SOX5: variants seen among roughly 807,000 people sequenced by gnomAD.
SOX5 encodes the protein transcription factor SOX-5.
A neutral mutation model predicts 92.0 loss-of-function variants in SOX5; 9 were observed. The observed-to-expected ratio is 0.10, with a 90% confidence interval of 0.06 to 0.17. The LOEUF (loss-of-function observed/expected upper bound fraction) is 0.17. Among genes scored for constraint, SOX5 ranks in the 10% least tolerant of loss-of-function variants. The pLI, the probability that SOX5 is intolerant of heterozygous loss-of-function variation, is 1.00. For synonymous variants in SOX5, 344 were observed against 336.3 expected (o/e 1.02, Z -0.25); for missense variants, 642 against 944.5 (o/e 0.68, Z 4.20).
At position 23,604,502 on chromosome 12, in the gene SOX5, T is replaced by A; in HGVS notation, c.1049A>T (p.Gln350Leu). The A allele has an allele frequency of 6.2e-7, 1 of 1,613,750 alleles. No homozygotes were observed. Residue 350 changes from glutamine to leucine, a missense_variant, in exon 9 of 15, where the codon CAG becomes CTG. This residue lies in a region of SOX5 where 324 missense variants were observed against 461.6 expected (regional missense o/e 0.70). Coordinates refer to ENST00000451604, the MANE Select transcript of SOX5 (RefSeq NM_006940.6). ...TGGCAGCTTCCCTCCTGGAGATACC[T>A]GCATTGCAGCTAGCTGGGCAGCATA... Reference protein sequence around the residue: ...QLYAAQLAAMQVSPGGKLPGI... With the variant: ...QLYAAQLAAMLVSPGGKLPGI...
At chr12:24,091,426 C>CTTTT in intron 4 of SOX5, among the ~76,000 whole-genome samples, 1 of 101,020 alleles carries the variant, frequency 9.9e-6, no homozygotes, top group Non-Finnish European at 2.0e-5. Context: ...ATAGAGAATG[C>CTTTT]TATTTTTTTT....
At chr12:23,998,383 A>T (rs2136331978) in intron 4 of SOX5, among the ~76,000 whole-genome samples, 1 of 152,296 alleles carries the variant, frequency 6.6e-6, no homozygotes, top group South Asian at 2.1e-4. Flanking sequence ...AATTGAATTT[A>T]TCTTAAGAAG....
At chr12:23,742,884 C>T (rs1375035768) in intron 4 of SOX5, among the ~76,000 whole-genome samples, 2 of 151,828 alleles carry the variant, frequency 1.3e-5, no homozygotes, top group African/African-American at 4.8e-5. Flanking sequence ...ATCCCAGCTA[C>T]TTGGTAGGCT....
At position 23,755,566 on chromosome 12, in the gene SOX5, A is replaced by T. The variant is rs2094340379; in HGVS notation, c.568+72T>A. 3 of 1,081,936 alleles carry T rather than the reference A, an allele frequency of 2.8e-6. No homozygotes were observed. The South Asian group carries it at 4.3e-5, about 15-fold the overall frequency. 67.0% of individuals were successfully genotyped at this position (1,081,936 alleles called of 1,614,324 possible). ...GAAGAGGTGAGGGCAGAAATACTTT[A>T]TCACCATTACTATTTCTGAATATCA... On this transcript the variant is annotated intron_variant, in intron 4 of 14. Transcript: ENST00000451604.
intron 3 of SOX5, among the ~76,000 whole-genome samples, chr12:23,756,137 T>A (rs909320488): frequency 1.3e-5 from 2 of 151,758 alleles, no homozygotes; most frequent in African/African-American, 4.8e-5. Flanking sequence ...TGTAATTATA[T>A]CCCTCTGTGT....
intron 4 of SOX5, among the ~76,000 whole-genome samples, chr12:24,065,661 AAAAAAGAAAAG>A (rs1413632223): frequency 3.4e-5 from 4 of 116,078 alleles, no homozygotes; most frequent in African/African-American, 1.0e-4. Flanking sequence ...AAAAAAAAAA[AAAAAAGAAAAG>A]AAAAAAGAAA....
chr12:24,511,951 C>G (rs993674293), intron 1 of SOX5, among the ~76,000 whole-genome samples: 4 of 110,550 alleles, frequency 3.6e-5, no homozygotes, highest in Admixed American at 3.2e-4. Context: ...GAGTGAGACT[C>G]CATCTCAAAA....
At chr12:23,944,124 T>A (rs1944146684) in intron 1 of SOX5, 1 of 152,078 alleles carries the variant, frequency 6.6e-6, no homozygotes, top group South Asian at 2.1e-4. Flanking sequence ...ATTCTGTTTG[T>A]TTACTACATT....
At chr12:23,802,432 C>G (rs939580278) in intron 3 of SOX5, among the ~76,000 whole-genome samples, 1 of 152,032 alleles carries the variant, frequency 6.6e-6, no homozygotes, top group Admixed American at 6.6e-5. Flanking sequence ...TATAAGACAG[C>G]AAGTCTATGG....
intron 4 of SOX5, among the ~76,000 whole-genome samples, chr12:24,196,333 G>T (rs1468708488): frequency 6.6e-6 from 1 of 152,176 alleles, no homozygotes; most frequent in South Asian, 2.1e-4. Flanking sequence ...TGATAAAACA[G>T]TAACAATGTA....
At chr12:24,281,769 G>A (rs577632198) in intron 2 of SOX5, among the ~76,000 whole-genome samples, 3 of 152,266 alleles carry the variant, frequency 2.0e-5, no homozygotes, top group African/African-American at 7.2e-5. Flanking sequence ...GGATGGGGAA[G>A]GATTTTCTTT....
At chr12:24,210,339 C>T (rs1958471263) in intron 4 of SOX5, among the ~76,000 whole-genome samples, 1 of 152,174 alleles carries the variant, frequency 6.6e-6, no homozygotes, top group African/African-American at 2.4e-5. Context: ...GATGGCAAGT[C>T]ACCCAGCTAG....
At chr12:23,837,234 A>G (rs1423957971) in intron 3 of SOX5, among the ~76,000 whole-genome samples, 2 of 82,334 alleles carry the variant, frequency 2.4e-5, no homozygotes, top group Non-Finnish European at 6.1e-5. Flanking sequence ...TATAATATAT[A>G]TTTATATAAT....
At chr12:24,220,801 C>G (rs1960219321) in intron 3 of SOX5, among the ~76,000 whole-genome samples, 1 of 152,130 alleles carries the variant, frequency 6.6e-6, no homozygotes, top group Non-Finnish European at 1.5e-5. Context: ...AAGTTTCCTC[C>G]AAACAGTATT....
chr12:24,223,470 C>G (rs528932635), intron 3 of SOX5: 5 of 152,168 alleles, frequency 3.3e-5, no homozygotes, highest in African/African-American at 1.2e-4. Context: ...AAAGAAGTCC[C>G]AGGCCTGGCA....
At chr12:24,188,616 T>C (rs1289297212) in intron 4 of SOX5, among the ~76,000 whole-genome samples, 3 of 151,462 alleles carry the variant, frequency 2.0e-5, no homozygotes, top group Non-Finnish European at 2.9e-5. Context: ...AGTAGAAAAA[T>C]GCAAAGTATG....
rs1049392715 is a variant in SOX5 at position 23,531,286 on chromosome 12, A to G, written c.*2933T>C. ...TCGGACATAAACCTAACTAAAATCAAATTTTGAATTTCAGCAGTTAAAAGT... is the reference window on the plus strand; with the variant it reads ...TCGGACATAAACCTAACTAAAATCAGATTTTGAATTTCAGCAGTTAAAAGT... On this transcript the variant is annotated 3_prime_UTR_variant, in exon 15 of 15. Coordinates refer to ENST00000451604, the MANE Select transcript of SOX5 (RefSeq NM_006940.6). 26 of 152,142 alleles carry G rather than the reference A, an allele frequency of 1.7e-4. No homozygotes were observed. Among genetic ancestry groups the G allele is most frequent in the African/African-American group, 6.0e-4 (25 of 41,430 alleles). The allele number at this position is 152,142 out of a possible 1,614,324, so 9.4% of individuals were successfully genotyped here. A position where few individuals can be genotyped will look rare whatever the true frequency, so the allele number is the denominator to read the frequency against.
chr12:24,413,842 A>G (rs1162150144), intron 1 of SOX5, among the ~76,000 whole-genome samples: 2 of 152,190 alleles, frequency 1.3e-5, no homozygotes, highest in African/African-American at 2.4e-5. Flanking sequence ...AGGCTACCAG[A>G]GTGGCAAATT....
chr12:23,724,683 G>T (rs996131250), intron 6 of SOX5, among the ~76,000 whole-genome samples: 9 of 152,024 alleles, frequency 5.9e-5, no homozygotes, highest in African/African-American at 2.2e-4. Flanking sequence ...ATTTTGGATT[G>T]GGCTGTCAGA....
Sources: gnomAD v4.1 joint callset for allele counts (sites outside exome capture counted in the v4.1 genomes callset) on GRCh38, gnomAD v4.1.1 for gene constraint, gnomAD v4.1.1 regional missense constraint, MANE v1.5 for transcripts, NCBI Gene and HGNC (gene_info 2026-07-23, HGNC 2026-07-21) for gene names.